Variants in DLGAP1 observed in about 807,000 individuals in gnomAD.
The protein encoded by DLGAP1 is disks large-associated protein 1.
A neutral mutation model predicts 90.8 loss-of-function variants in DLGAP1; 11 were observed. The observed-to-expected ratio is 0.12, with a 90% confidence interval of 0.08 to 0.20. The LOEUF (loss-of-function observed/expected upper bound fraction) is 0.20, where lower values mean the gene tolerates loss of function less well. Among genes scored for constraint, DLGAP1 ranks in the 10% least tolerant of loss-of-function variants. The pLI, the probability that DLGAP1 is intolerant of heterozygous loss-of-function variation, is 1.00. For synonymous variants in DLGAP1, 558 were observed against 540.7 expected (o/e 1.03, Z -0.44); for missense variants, 1,050 against 1,333.8 (o/e 0.79, Z 3.31).
intron 1 of DLGAP1, among the ~76,000 whole-genome samples, chr18:4,444,642 T>C (rs998029529): frequency 6.6e-6 from 1 of 152,236 alleles, no homozygotes; most frequent in African/African-American, 2.4e-5. Context: ...ACAGGGATTT[T>C]TCAGCAGCAG....
At chr18:3,580,804 T>G in intron 8 of DLGAP1, 1 of 1,575,076 alleles carries the variant, frequency 6.3e-7, no homozygotes, top group Non-Finnish European at 8.7e-7. Flanking sequence ...TGCCGAAGCG[T>G]CTTCCACCTG....
chr18:4,335,945 A>T (rs1460099863), intron 1 of DLGAP1, among the ~76,000 whole-genome samples: 1 of 152,236 alleles, frequency 6.6e-6, no homozygotes, highest in East Asian at 1.9e-4. Flanking sequence ...TGACATTTTT[A>T]TGATTTAGAA....
At chr18:3,678,922 C>T (rs28394113) in intron 7 of DLGAP1, among the ~76,000 whole-genome samples, 17,964 of 152,184 alleles carry the variant, frequency 0.12, 2,168 homozygotes, top group African/African-American at 0.31. Flanking sequence ...AAATTCTTAG[C>T]TCACAGAGGA....
At chr18:4,171,550 G>A (rs1408126027) in intron 1 of DLGAP1, among the ~76,000 whole-genome samples, 2 of 149,706 alleles carry the variant, frequency 1.3e-5, no homozygotes, top group African/African-American at 2.5e-5. Context: ...GGAAGACAGA[G>A]CGAGACTCCA....
At chr18:4,321,442 A>T (rs1445489406) in intron 1 of DLGAP1, among the ~76,000 whole-genome samples, 1 of 152,226 alleles carries the variant, frequency 6.6e-6, no homozygotes, top group Non-Finnish European at 1.5e-5. Context: ...TTTATTCTCT[A>T]CTACAGTGAA....
chr18:3,645,833 A>AAAT (rs1426317291), intron 7 of DLGAP1, among the ~76,000 whole-genome samples: 2 of 152,198 alleles, frequency 1.3e-5, no homozygotes, highest in African/African-American at 4.8e-5. Flanking sequence ...AAATAGTAGT[A>AAAT]AGGGCATTTA....
intron 1 of DLGAP1, among the ~76,000 whole-genome samples, chr18:4,446,987 T>C (rs2083683319): frequency 6.6e-6 from 1 of 152,214 alleles, no homozygotes; most frequent in Non-Finnish European, 1.5e-5. Flanking sequence ...AGATATCATT[T>C]CATATCCATA....
chr18:3,694,583 G>C (rs1330013330), intron 7 of DLGAP1, among the ~76,000 whole-genome samples: 1 of 152,160 alleles, frequency 6.6e-6, no homozygotes, highest in African/African-American at 2.4e-5. Context: ...ATTGTAACTG[G>C]CATGAGATGG....
intron 7 of DLGAP1, among the ~76,000 whole-genome samples, chr18:3,633,921 A>G (rs1314784649): frequency 1.3e-5 from 2 of 152,246 alleles, no homozygotes; most frequent in Non-Finnish European, 2.9e-5. Flanking sequence ...AATTTTATGA[A>G]GACATTAAAA....
chr18:4,285,670 C>T (rs1210986412), intron 1 of DLGAP1, among the ~76,000 whole-genome samples: 1 of 152,188 alleles, frequency 6.6e-6, no homozygotes, highest in African/African-American at 2.4e-5. Flanking sequence ...AAATGACATA[C>T]AGAAATCGGC....
intron 2 of DLGAP1, among the ~76,000 whole-genome samples, chr18:4,047,100 A>T (rs929667290): frequency 3.3e-5 from 5 of 152,326 alleles, no homozygotes; most frequent in African/African-American, 1.2e-4. Flanking sequence ...ATTAGAGTCA[A>T]ATGTTGCTTA....
At position 4,058,401 on chromosome 18, in the gene DLGAP1, C is replaced by T. The variant is rs566247017; in HGVS notation, c.-158-53200G>A. Among the ~76,000 whole-genome samples the T allele has an allele frequency of 2.5e-4, 38 of 152,336 alleles. 1 individual carries two copies. In the South Asian group the frequency reaches 3.7e-3, roughly 15 times the overall value. ...AATTGGAACCCTAACTCTGCCAGCT[C>T]CTTATGATTTACCATATACTTTTTG... is the stretch of plus-strand genomic sequence containing the variant. On this transcript the variant is annotated intron_variant, in intron 2 of 12. Transcript: ENST00000315677.
At chr18:4,062,790 A>G (rs565174065) in intron 2 of DLGAP1, among the ~76,000 whole-genome samples, 8 of 152,174 alleles carry the variant, frequency 5.3e-5, no homozygotes, top group African/African-American at 1.7e-4. Flanking sequence ...TTCTAGTCCC[A>G]TCAATTGTTT....
At chr18:4,053,722 T>C (rs568630722) in intron 2 of DLGAP1, among the ~76,000 whole-genome samples, 2 of 152,290 alleles carry the variant, frequency 1.3e-5, no homozygotes, top group Non-Finnish European at 2.9e-5. Context: ...CGTGAGCCAA[T>C]TAAACCTCTT....
At chr18:4,320,717 TACACACACACACACACAC>T (rs71160954) in intron 1 of DLGAP1, among the ~76,000 whole-genome samples, 36,299 of 146,852 alleles carry the variant, frequency 0.25, 4,547 homozygotes, top group East Asian at 0.42. Flanking sequence ...ATTACAATTT[TACACACACACACACACAC>T]ACACACACAC....
At chr18:3,708,364 A>G (rs2061501106) in intron 7 of DLGAP1, 1 of 454,158 alleles carries the variant, frequency 2.2e-6, no homozygotes, top group Admixed American at 2.4e-5. Flanking sequence ...AATGTTTTTT[A>G]TTGTGAGAGC....
chr18:4,124,821 C>A (rs781480485), intron 2 of DLGAP1, among the ~76,000 whole-genome samples: 1 of 152,144 alleles, frequency 6.6e-6, no homozygotes, highest in African/African-American at 2.4e-5. Context: ...TATTTCCTAG[C>A]CTGAAACAGA....
At chr18:4,074,157 C>T (rs2143510431) in intron 2 of DLGAP1, among the ~76,000 whole-genome samples, 2 of 152,190 alleles carry the variant, frequency 1.3e-5, no homozygotes, top group East Asian at 3.9e-4. Flanking sequence ...GACCAATAAA[C>T]TAGGAGGCGA....
At chr18:4,334,427 G>A (rs2081025137) in intron 1 of DLGAP1, among the ~76,000 whole-genome samples, 1 of 151,828 alleles carries the variant, frequency 6.6e-6, no homozygotes, top group African/African-American at 2.4e-5. Context: ...CTGTAAATTA[G>A]CATGAATTTC....
Sources: allele counts gnomAD v4.1 joint callset (sites outside exome capture counted in the v4.1 genomes callset), GRCh38; gene constraint gnomAD v4.1.1; transcripts MANE v1.5; gene names NCBI Gene and HGNC (gene_info 2026-07-23, HGNC 2026-07-21).